Variants in GLIS3 observed in about 807,000 individuals in gnomAD.
The protein encoded by GLIS3 is GLIS family zinc finger 3, also known as zinc finger protein GLIS3.
GLIS3 carries 53 observed loss-of-function variants against 78.6 expected under a neutral mutation model. That is an observed-to-expected ratio of 0.67 (90% CI 0.54 to 0.85). The LOEUF is 0.85. Among genes scored for constraint, GLIS3 ranks in the 40% least tolerant of loss-of-function variants. The pLI, the probability that GLIS3 is intolerant of heterozygous loss-of-function variation, is 0.00. For missense variants in GLIS3, 1,703 were observed against 1,231.1 expected, an observed-to-expected ratio of 1.38 and a Z score of -5.74; for synonymous variants, 684 against 509.9, an observed-to-expected ratio of 1.34 and a Z score of -4.60.
intron 3 of GLIS3, 131 bp downstream of exon 3, chr9:4,125,603 G>C (rs1024584642): frequency 5.3e-6 from 4 of 756,828 alleles, no homozygotes; most frequent in African/African-American, 5.2e-5. Flanking sequence ...ACCTCAAATT[G>C]AGAGAGTTGC....
chr9:4,067,302 T>G (rs1264643298), intron 4 of GLIS3, among the ~76,000 whole-genome samples: 1 of 151,794 alleles, frequency 6.6e-6, no homozygotes, highest in Non-Finnish European at 1.5e-5. Flanking sequence ...AAGTATTATA[T>G]TCTTTATAAA....
Position 3,824,537 on chromosome 9 carries a change from A to G in GLIS3, c.*3735T>C, listed in dbSNP as rs1817623590. On this transcript the variant is annotated 3_prime_UTR_variant, in exon 11 of 11. Coordinates refer to ENST00000381971, the MANE Select transcript of GLIS3 (RefSeq NM_001042413.2). ...ATCCCTTCATTTTACTTTTGACATA[A>G]AAAAAGGACTTCATGAACAAGACAA... 2.0e-5 allele frequency: 3 copies of G among 152,234 alleles called. No individual in the cohort carries two copies. In the South Asian group the frequency reaches 6.2e-4, roughly 32 times the overall value. The allele number at this position is 152,234 out of a possible 1,614,324, so 9.4% of individuals were successfully genotyped here.
At chr9:4,252,010 G>C (rs760014839) in intron 2 of GLIS3, among the ~76,000 whole-genome samples, 3 of 152,198 alleles carry the variant, frequency 2.0e-5, no homozygotes, top group East Asian at 1.9e-4. Context: ...GTGGGTAACC[G>C]GACCTTTCTC....
intron 6 of GLIS3, among the ~76,000 whole-genome samples, chr9:3,916,287 T>G (rs146225330): frequency 6.6e-6 from 1 of 152,124 alleles, no homozygotes; most frequent in Non-Finnish European, 1.5e-5. Flanking sequence ...CAAAAGAATA[T>G]CTCTATTCTA....
Position 4,163,945 on chromosome 9 carries a change from T to TA in GLIS3, c.389-38005dup, listed in dbSNP as rs534853275. On this transcript the variant is annotated intron_variant, in intron 2 of 10. Coordinates refer to ENST00000381971, the MANE Select transcript of GLIS3 (RefSeq NM_001042413.2). ...GCATTTCTAGCAGCCACACTGGCTA[T>TA]AAGCCCTCATTCATGGATACCATGG... 3.3e-5 allele frequency among the ~76,000 whole-genome samples: 5 copies of TA among 152,374 alleles called. No homozygotes were observed. In the South Asian group the frequency reaches 1.0e-3, roughly 32 times the overall value.
chr9:4,409,680 TG>T, the GLIS3 span, among the ~76,000 whole-genome samples: 7 of 152,226 alleles, frequency 4.6e-5, no homozygotes, highest in African/African-American at 1.7e-4. Flanking sequence ...AATAGTCATT[TG>T]GCTGGGGAAT....
At chr9:4,133,649 A>G (rs1045275882) in intron 2 of GLIS3, among the ~76,000 whole-genome samples, 2 of 152,160 alleles carry the variant, frequency 1.3e-5, no homozygotes, top group African/African-American at 4.8e-5. Flanking sequence ...CTCAGTTTGG[A>G]GGATTAAAAA....
At chr9:3,902,691 T>A (rs2130630843) in intron 6 of GLIS3, among the ~76,000 whole-genome samples, 1 of 152,310 alleles carries the variant, frequency 6.6e-6, no homozygotes, top group South Asian at 2.1e-4. Context: ...CAGGTGATGA[T>A]GCTTCTACTG....
intron 2 of GLIS3, among the ~76,000 whole-genome samples, chr9:4,341,193 A>T (rs780852821): frequency 1.1e-4 from 16 of 152,236 alleles, no homozygotes; most frequent in Non-Finnish European, 2.1e-4. Flanking sequence ...TCTCTAGGAC[A>T]AAACAAGACT....
At chr9:4,093,691 C>G (rs980486233) in intron 4 of GLIS3, among the ~76,000 whole-genome samples, 1 of 152,184 alleles carries the variant, frequency 6.6e-6, no homozygotes, top group African/African-American at 2.4e-5. Flanking sequence ...CCTTCAGCTT[C>G]CTTGCTAACC....
the GLIS3 span, among the ~76,000 whole-genome samples, chr9:4,414,724 A>G: frequency 6.6e-6 from 1 of 152,060 alleles, no homozygotes; most frequent in African/African-American, 2.4e-5. Flanking sequence ...AGTCTTAGCA[A>G]GAACCCTGCT....
chr9:4,451,760 T>C, the GLIS3 span, among the ~76,000 whole-genome samples: 11 of 152,118 alleles, frequency 7.2e-5, no homozygotes, highest in South Asian at 2.1e-3. Context: ...GGGTACATAA[T>C]GAAATGAAGG....
rs1818905326 is a variant in GLIS3 at position 3,977,667 on chromosome 9, G to A, written c.1711-40478C>T. ...GCCACATCAATAATGGCAGAATGAC[G>A]GCTTAGTTCAAAGATCATAGAGATG... On this transcript the variant is annotated intron_variant, in intron 4 of 10. Transcript: ENST00000381971. This position sits in a 1 kb window ranked among gnomAD's most constrained non-coding sequence, Gnocchi z 4.1. 1.3e-5 allele frequency among the ~76,000 whole-genome samples: 2 copies of A among 152,096 alleles called. No homozygotes were observed. Among genetic ancestry groups the A allele is most frequent in the South Asian group, 4.1e-4 (2 of 4,826 alleles).
At chr9:4,401,137 C>A in the GLIS3 span, among the ~76,000 whole-genome samples, 1 of 152,340 alleles carries the variant, frequency 6.6e-6, no homozygotes, top group African/African-American at 2.4e-5. Context: ...GACCTAGGCT[C>A]TTGGACAGCA....
At chr9:4,181,314 G>A (rs1817305544) in intron 2 of GLIS3, among the ~76,000 whole-genome samples, 2 of 152,176 alleles carry the variant, frequency 1.3e-5, no homozygotes, top group African/African-American at 2.4e-5. Context: ...TCGTTCACAG[G>A]AACCATCCTC....
At chr9:4,266,592 G>T (rs1214278862) in intron 2 of GLIS3, among the ~76,000 whole-genome samples, 1 of 81,206 alleles carries the variant, frequency 1.2e-5, no homozygotes, top group African/African-American at 5.2e-5. Context: ...ATGCATGCGC[G>T]TGTACACACA....
chr9:4,135,498 G>C (rs1833338333), intron 2 of GLIS3, among the ~76,000 whole-genome samples: 1 of 151,980 alleles, frequency 6.6e-6, no homozygotes, highest in African/African-American at 2.4e-5. Context: ...TGACTGTTTT[G>C]ACAAAGAATA....
intron 5 of GLIS3, among the ~76,000 whole-genome samples, chr9:3,935,622 A>G (rs1028021442): frequency 4.6e-5 from 7 of 152,222 alleles, no homozygotes; most frequent in Non-Finnish European, 1.0e-4. Context: ...ATAAATGTTC[A>G]TTCTTCCATG....
At chr9:4,179,936 G>A (rs2380942) in intron 2 of GLIS3, among the ~76,000 whole-genome samples, 48,007 of 151,580 alleles carry the variant, frequency 0.32, 7,829 homozygotes, top group South Asian at 0.49. Context: ...ATTTCTAGCC[G>A]CGTTAACAGC....
Sources: allele counts gnomAD v4.1 joint callset (sites outside exome capture counted in the v4.1 genomes callset), GRCh38; gene constraint gnomAD v4.1.1; non-coding constraint Gnocchi (gnomAD v3.1); transcripts MANE v1.5; gene names NCBI Gene and HGNC (gene_info 2026-07-23, HGNC 2026-07-21).